MYBPC1: variants seen among roughly 807,000 people sequenced by gnomAD.
MYBPC1 encodes myosin binding protein C1, also known as myosin-binding protein C, slow-type.
MYBPC1 carries 52 observed loss-of-function variants against 147.1 expected under a neutral mutation model. The observed-to-expected ratio is 0.35, with a 90% CI of 0.28 to 0.45. The LOEUF (loss-of-function observed/expected upper bound fraction) is 0.45, where lower values mean the gene tolerates loss of function less well. Among genes scored for constraint, MYBPC1 ranks in the 20% least tolerant of loss-of-function variants. MYBPC1 has a pLI of 1.00. For missense variants in MYBPC1, 1,228 were observed against 1,440.3 expected (o/e 0.85, Z 2.39); for synonymous variants, 477 against 475.9 (o/e 1.00, Z -0.03).
At chr12:101,610,188 T>G (rs1883730678) in intron 1 of MYBPC1, among the ~76,000 whole-genome samples, 1 of 152,220 alleles carries the variant, frequency 6.6e-6, no homozygotes, top group South Asian at 2.1e-4. Flanking sequence ...TTAAGACAAC[T>G]GGAATTCTCT....
chr12:101,596,474 C>A (rs868833336), intron 1 of MYBPC1, among the ~76,000 whole-genome samples: 17 of 152,216 alleles, frequency 1.1e-4, no homozygotes, highest in Non-Finnish European at 2.2e-4. Context: ...TACCCAGAAG[C>A]AATACATTCT....
intron 15 of MYBPC1, chr12:101,650,934 A>G: frequency 4.9e-6 from 2 of 406,778 alleles, no homozygotes; most frequent in Non-Finnish European, 9.3e-6. Flanking sequence ...CTTATATCAC[A>G]TGGATGAACT....
In MYBPC1 at chr12:101,678,254, A is replaced by G. The variant is rs773010980; in HGVS notation, c.3246+16A>G. On this transcript the variant is annotated intron_variant, in intron 28 of 31. Transcript: ENST00000361466. ...AAATCCTAAGGTACCATGTTCTTCT[A>G]TCACATCAGTTAAAGTCCCTGTCTT... is the stretch of plus-strand genomic sequence containing the variant. 5.0e-6 allele frequency: 8 copies of G among 1,613,586 alleles called. No homozygotes were observed. Among genetic ancestry groups the G allele is most frequent in the Admixed American group, 3.3e-5 (2 of 60,010 alleles).
intron 10 of MYBPC1, among the ~76,000 whole-genome samples, chr12:101,640,022 G>T (rs1891716308): frequency 1.3e-5 from 2 of 151,740 alleles, no homozygotes; most frequent in Non-Finnish European, 2.9e-5. Flanking sequence ...ATCTTTTTTG[G>T]GTTTTTCTTT....
rs777731076 is a variant in MYBPC1, at chr12:101,651,221, A to G, written c.1364-10A>G. 2.5e-6 allele frequency: 4 copies of G among 1,614,090 alleles called. No homozygotes were observed. The highest frequency in any genetic ancestry group is 1.7e-5 in the Admixed American group (1 of 60,012). On this transcript the variant is annotated splice_polypyrimidine_tract_variant and intron_variant, in intron 15 of 31. Coordinates refer to ENST00000361466, the MANE Select transcript of MYBPC1 (RefSeq NM_002465.4). ...GGCTTGGCATTTGTGATGGTCTATC[A>G]TTTCTACAGTGAAACCTCTGAAGAT...
chr12:101,673,555 G>A lies in MYBPC1; in HGVS notation c.2742G>A (p.Gly914=), dbSNP rs1402166886. ...FIRKAERSHS[G]KYDLQVKVDK... is the part of the protein sequence containing the mutation. The stretch of plus-strand genomic sequence containing the variant: ...GAAAAGCAGAGAGGAGCCACTCTGG[G>A]AAATATGATCTGCAAGTCAAAGTGG... Residue 914 remains glycine (G), a synonymous_variant, in exon 25 of 32, where the codon GGG becomes GGA. Coordinates refer to ENST00000361466, the MANE Select transcript of MYBPC1 (RefSeq NM_002465.4). 4 of 1,614,000 alleles carry A rather than the reference G, an allele frequency of 2.5e-6. No homozygotes were observed. The highest frequency in any genetic ancestry group is 1.6e-4 in the Middle Eastern group (1 of 6,082).
chr12:101,648,035 T>G lies in MYBPC1; in HGVS notation c.1091-10T>G. On this transcript the variant is annotated splice_polypyrimidine_tract_variant and intron_variant, in intron 13 of 31. Coordinates refer to ENST00000361466, the MANE Select transcript of MYBPC1 (RefSeq NM_002465.4). Reference sequence around the variant, plus strand: ...TTTAATGATTCTGATTTCCCCTTTTTGTATACTAGAGCCTCCAATTATGGT... The same window carrying G: ...TTTAATGATTCTGATTTCCCCTTTTGGTATACTAGAGCCTCCAATTATGGT... 6.3e-7 allele frequency: 1 copy of G among 1,594,136 alleles called. No homozygotes were observed. The highest frequency in any genetic ancestry group is 1.3e-5 in the African/African-American group (1 of 74,574).
Position 101,662,001 on chromosome 12 carries a change from A to G in MYBPC1, c.2033-357A>G, listed in dbSNP as rs555454192. Among the ~76,000 whole-genome samples, 6 of 152,126 alleles carry G rather than the reference A, an allele frequency of 3.9e-5. No individual in the cohort carries two copies. The East Asian group carries it at 9.7e-4, about 24-fold the overall frequency. ...TCTCTTTGCTAATAATGAGACTCAC[A>G]AAACTGGTCATTTCCCTCTTCTTAT... On this transcript the variant is annotated intron_variant, in intron 20 of 31. Coordinates refer to ENST00000361466, the MANE Select transcript of MYBPC1 (RefSeq NM_002465.4).
intron 1 of MYBPC1, among the ~76,000 whole-genome samples, chr12:101,612,143 G>A: frequency 6.6e-6 from 1 of 151,888 alleles, no homozygotes; most frequent in East Asian, 1.9e-4. Context: ...TGGCAATAAG[G>A]ATAAAGATTG....
In MYBPC1 at chr12:101,662,550, A is replaced by G. The variant is rs1896744568; in HGVS notation, c.2221+4A>G. The G allele has an allele frequency of 1.2e-6, 2 of 1,613,886 alleles. No homozygotes were observed. The highest frequency in any genetic ancestry group is 1.7e-6 in the Non-Finnish European group (2 of 1,179,774). ...TCCAGGCCTTTTGTTCCTTTGGGTAAGTCAAGAGAGATGAGTCTTTGTCAT... is the reference window on the plus strand; with the variant it reads ...TCCAGGCCTTTTGTTCCTTTGGGTAGGTCAAGAGAGATGAGTCTTTGTCAT... On this transcript the variant is annotated splice_donor_region_variant and intron_variant, in intron 21 of 31. Coordinates refer to ENST00000361466, the MANE Select transcript of MYBPC1 (RefSeq NM_002465.4).
chr12:101,641,493 C>T (rs1259928530), intron 10 of MYBPC1, among the ~76,000 whole-genome samples: 1 of 152,112 alleles, frequency 6.6e-6, no homozygotes, highest in Non-Finnish European at 1.5e-5. Context: ...TTACTTAAAT[C>T]TTAAATCTTA....
chr12:101,629,856 G>GA (rs1889514954), intron 6 of MYBPC1, among the ~76,000 whole-genome samples: 1 of 151,572 alleles, frequency 6.6e-6, no homozygotes, highest in African/African-American at 2.4e-5. Flanking sequence ...TTGGGCAACA[G>GA]AGCAAGCCTC....
At chr12:101,606,466 A>ATTTT (rs34796532) in intron 1 of MYBPC1, among the ~76,000 whole-genome samples, 8,851 of 141,222 alleles carry the variant, frequency 0.063, 816 homozygotes, top group African/African-American at 0.19. Context: ...TCAATTTAGT[A>ATTTT]TTTTTTTTTT....
chr12:101,636,961 T>A (rs1891109438), intron 10 of MYBPC1: 2 of 312,724 alleles, frequency 6.4e-6, no homozygotes, highest in African/African-American at 5.2e-5. Flanking sequence ...TCATGACTCT[T>A]CACCTATTTT....
chr12:101,628,387 C>T (rs1193051615), intron 5 of MYBPC1, among the ~76,000 whole-genome samples: 1 of 152,094 alleles, frequency 6.6e-6, no homozygotes, highest in Non-Finnish European at 1.5e-5. Context: ...TTAACATTAG[C>T]TTGGGTGTTT....
intron 1 of MYBPC1, chr12:101,600,308 T>G (rs1294822452): frequency 6.6e-6 from 1 of 152,132 alleles, no homozygotes; most frequent in Non-Finnish European, 1.5e-5. Flanking sequence ...AACTTTTTTT[T>G]TTTTTTAGGC....
downstream of MYBPC1, among the ~76,000 whole-genome samples, chr12:101,689,332 A>G (rs77727228): frequency 8.5e-3 from 1,294 of 152,218 alleles, 21 homozygotes; most frequent in African/African-American, 0.03. Context: ...CTGGTCTTCA[A>G]TCTACACTGG....
rs780683910 is a variant in MYBPC1 at position 101,652,724 on chromosome 12, G to T, written c.1573G>T (p.Asp525Tyr). The change falls in exon 17 of 32, where the codon GAT becomes TAT. Residue 525 changes from aspartate (D) to tyrosine (Y), a missense_variant. Physicochemically the swap from Asp to Tyr is radical, Grantham distance 160. Around this residue, in one of 2 missense-constraint regions of MYBPC1, gnomAD observed 1,077 missense variants for 1,314.2 expected, o/e 0.82. Transcript: ENST00000361466. ...IANALTEDEG[D>Y]YVFAPDAYNV... ...CAATGCCCTCACTGAAGATGAAGGTGATTATGTATTTGCACCTGATGCCTA... is the reference window on the plus strand; with the variant it reads ...CAATGCCCTCACTGAAGATGAAGGTTATTATGTATTTGCACCTGATGCCTA... 6.2e-7 allele frequency: 1 copy of T among 1,614,038 alleles called. No homozygotes were observed. Among genetic ancestry groups the T allele is most frequent in the East Asian group, 2.2e-5 (1 of 44,856 alleles).
chr12:101,629,341 G>C, intron 5 of MYBPC1, 93 bp from the exon 6 acceptor site: 1 of 846,966 alleles, frequency 1.2e-6, no homozygotes, highest in Non-Finnish European at 2.0e-6. Flanking sequence ...ACAAAGAAAA[G>C]CTACAGCGTT....
Sources: allele counts gnomAD v4.1 joint callset (sites outside exome capture counted in the v4.1 genomes callset), GRCh38; gene constraint gnomAD v4.1.1; regional missense constraint gnomAD v4.1.1; transcripts MANE v1.5; gene names NCBI Gene and HGNC (gene_info 2026-07-23, HGNC 2026-07-21).